The following LUC7L2 variants were observed in gnomAD, a reference collection of about 807,000 sequenced individuals.
LUC7L2 encodes the protein LUC7 like 2, pre-mRNA splicing factor.
Under a neutral mutation model 52.8 loss-of-function variants are expected in LUC7L2, and 25 were observed. The ratio of observed to expected loss-of-function variants is 0.47; its 90% CI spans 0.34 to 0.66. The LOEUF (loss-of-function observed/expected upper bound fraction) is 0.66, where lower values mean the gene tolerates loss of function less well. Among genes scored for constraint, LUC7L2 ranks in the 30% least tolerant of loss-of-function variants. LUC7L2 has a pLI of 0.01. For synonymous variants in LUC7L2, 144 were observed against 160.9 expected (o/e 0.89, Z 0.80); for missense variants, 328 against 497.8 (o/e 0.66, Z 3.25).
At chr7:139,382,515 G>C (rs1801086673) in intron 2 of LUC7L2, among the ~76,000 whole-genome samples, 1 of 151,980 alleles carries the variant, frequency 6.6e-6, no homozygotes, top group African/African-American at 2.4e-5. Flanking sequence ...CAAGTAGCTA[G>C]AACAACAGCC....
intron 2 of LUC7L2, among the ~76,000 whole-genome samples, chr7:139,385,102 T>G (rs1794135441): frequency 6.6e-6 from 1 of 152,198 alleles, no homozygotes; most frequent in African/African-American, 2.4e-5. Flanking sequence ...GTGTATTACT[T>G]GTATTAATAA....
chr7:139,386,607 C>G (rs996101213), intron 2 of LUC7L2, among the ~76,000 whole-genome samples: 4 of 146,000 alleles, frequency 2.7e-5, no homozygotes, highest in Non-Finnish European at 6.0e-5. Flanking sequence ...ACGGGGTTAC[C>G]GTGTTAGCCA....
intron 2 of LUC7L2, among the ~76,000 whole-genome samples, chr7:139,387,708 C>T (rs893982712): frequency 4.6e-5 from 7 of 152,154 alleles, no homozygotes; most frequent in African/African-American, 1.7e-4. Context: ...AATACTTACC[C>T]AGGCTACTTC....
chr7:139,370,409 C>G (rs1800383775), intron 1 of LUC7L2, among the ~76,000 whole-genome samples: 1 of 152,116 alleles, frequency 6.6e-6, no homozygotes, highest in African/African-American at 2.4e-5. Flanking sequence ...AGTTACTGTG[C>G]AGCAGTAATC....
intron 3 of LUC7L2, among the ~76,000 whole-genome samples, chr7:139,399,639 T>G (rs1167543991): frequency 4.0e-5 from 6 of 151,628 alleles, no homozygotes; most frequent in Non-Finnish European, 8.8e-5. Context: ...CCAGCTAATT[T>G]TTTGTGTTTT....
chr7:139,420,297 G>A lies in LUC7L2; in HGVS notation c.1002-1866G>A, dbSNP rs571326058. On this transcript the variant is annotated intron_variant, in intron 9 of 9. Transcript: ENST00000354926. ...CGGCTCGTTGCAACCTCTGCCTTGC[G>A]GGTTCAAGCGATTCTTTTGCCTCGG... 1.8e-3 allele frequency among the ~76,000 whole-genome samples: 269 copies of A among 152,192 alleles called. 2 individuals are homozygous for A. Among genetic ancestry groups the A allele is most frequent in the African/African-American group, 5.9e-3 (245 of 41,526 alleles).
upstream of LUC7L2, among the ~76,000 whole-genome samples, chr7:139,358,552 C>G (rs1166154432): frequency 6.6e-6 from 1 of 152,172 alleles, no homozygotes; most frequent in Non-Finnish European, 1.5e-5. Flanking sequence ...ACACAAATCT[C>G]TATTATGTCC....
intron 4 of LUC7L2, among the ~76,000 whole-genome samples, chr7:139,402,458 A>T (rs1794955695): frequency 6.6e-6 from 1 of 152,176 alleles, no homozygotes. Flanking sequence ...TATTTTATTC[A>T]GATTTTGCCA....
chr7:139,360,029 G>T lies in LUC7L2; in HGVS notation c.-233G>T. 1.9e-6 allele frequency: 1 copy of T among 519,090 alleles called. No individual in the cohort carries two copies. The highest frequency in any genetic ancestry group is 3.4e-6 in the Non-Finnish European group (1 of 293,842). 32.2% of individuals were successfully genotyped at this position (519,090 alleles called of 1,614,324 possible). A position where few individuals can be genotyped will look rare whatever the true frequency, so the allele number is the denominator to read the frequency against. On this transcript the variant is annotated 5_prime_UTR_variant, in exon 1 of 10. Coordinates refer to ENST00000354926, the MANE Select transcript of LUC7L2 (RefSeq NM_016019.5). Reference sequence around the variant, plus strand: ...TTCTGTCCCAAGAACCGGACGGAGAGTGAGGGCACGAGGGTCGCTGTCGGG... The same window carrying T: ...TTCTGTCCCAAGAACCGGACGGAGATTGAGGGCACGAGGGTCGCTGTCGGG...
chr7:139,390,638 C>T (rs1794408533), intron 2 of LUC7L2, among the ~76,000 whole-genome samples: 1 of 150,972 alleles, frequency 6.6e-6, no homozygotes, highest in Non-Finnish European at 1.5e-5. Context: ...TCACTGCAAG[C>T]TCCACCTCCC....
At chr7:139,341,693 A>G (rs1798979991) in intron 1 of LUC7L2, among the ~76,000 whole-genome samples, 1 of 152,116 alleles carries the variant, frequency 6.6e-6, no homozygotes, top group South Asian at 2.1e-4. Flanking sequence ...GCTCTGGCAT[A>G]AACTCGGGGA....
chr7:139,419,855 A>G (rs1441225354), intron 9 of LUC7L2, among the ~76,000 whole-genome samples: 1 of 152,170 alleles, frequency 6.6e-6, no homozygotes, highest in African/African-American at 2.4e-5. Flanking sequence ...TTTGAATTCA[A>G]ATTATTCTCT....
At chr7:139,356,144 A>G (rs1328314143), upstream of LUC7L2, among the ~76,000 whole-genome samples, 3 of 151,784 alleles carry the variant, frequency 2.0e-5, no homozygotes, top group Non-Finnish European at 4.4e-5. Context: ...TTGTCTCTAC[A>G]AGAAAAATTT....
intron 1 of LUC7L2, chr7:139,341,386 T>C: frequency 1.9e-6 from 3 of 1,612,540 alleles, no homozygotes; most frequent in Non-Finnish European, 2.5e-6. Context: ...GACAGGACAA[T>C]GGCGGCCTTA....
At chr7:139,409,466 TTGTAC>T (rs1795261040) in intron 6 of LUC7L2, 92 bp from the exon 7 acceptor site, 1 of 1,385,726 alleles carries the variant, frequency 7.2e-7, no homozygotes, top group African/African-American at 1.5e-5. Flanking sequence ...TTGACAGCAG[TTGTAC>T]TGTATTAGAA....
intron 3 of LUC7L2, among the ~76,000 whole-genome samples, chr7:139,399,448 G>GTTTTTTTT (rs1794799799): frequency 1.2e-5 from 1 of 83,120 alleles, no homozygotes; most frequent in African/African-American, 3.5e-5. Context: ...GTGTTTGGGG[G>GTTTTTTTT]ATTTTTTTTT....
chr7:139,374,386 G>A, intron 1 of LUC7L2: 2 of 1,547,692 alleles, frequency 1.3e-6, no homozygotes, highest in Non-Finnish European at 1.7e-6. Flanking sequence ...CTGGCCCCTT[G>A]TTTTATTTGT....
At chr7:139,416,111 AT>A (rs1457458717) in intron 8 of LUC7L2, 1 of 135,778 alleles carries the variant, frequency 7.4e-6, no homozygotes, top group African/African-American at 2.5e-5. Flanking sequence ...GAAGTCAGTG[AT>A]TTTTTAGCAG....
chr7:139,405,887 A>G, intron 5 of LUC7L2, 100 bp downstream of exon 5: 1 of 1,377,924 alleles, frequency 7.3e-7, no homozygotes, highest in Non-Finnish European at 9.5e-7. Flanking sequence ...CTCTAAGAAC[A>G]TGTATTTGAA....
Sources: gnomAD v4.1 joint callset for allele counts (sites outside exome capture counted in the v4.1 genomes callset) on GRCh38, gnomAD v4.1.1 for gene constraint, MANE v1.5 for transcripts, NCBI Gene and HGNC (gene_info 2026-07-23, HGNC 2026-07-21) for gene names.